C1GALT1: variants seen among roughly 807,000 people sequenced by gnomAD.
C1GALT1 encodes core 1 synthase, glycoprotein-N-acetylgalactosamine 3-beta-galactosyltransferase 1.
A neutral mutation model predicts 31.0 loss-of-function variants in C1GALT1; 11 were observed. The observed-to-expected ratio is 0.36, with a 90% confidence interval of 0.22 to 0.59. C1GALT1 has a LOEUF of 0.59. Ranked by LOEUF, C1GALT1 falls within the 20% of genes least tolerant of loss-of-function variation. The pLI is 0.79. For missense variants in C1GALT1, 424 were observed against 425.2 expected (o/e 1.00, Z 0.03); for synonymous variants, 175 against 143.6 (o/e 1.22, Z -1.56).
chr7:7,218,313 G>T (rs529946134), intron 1 of C1GALT1, among the ~76,000 whole-genome samples: 12 of 152,214 alleles, frequency 7.9e-5, no homozygotes, highest in African/African-American at 4.8e-5. Flanking sequence ...AGGTGAACTA[G>T]AGCTAGACCC....
chr7:7,180,910 C>CAAAA (rs34390245), upstream of C1GALT1, among the ~76,000 whole-genome samples: 95 of 127,732 alleles, frequency 7.4e-4, no homozygotes, highest in Middle Eastern at 8.1e-3. Flanking sequence ...CATATCTCTT[C>CAAAA]AAAAAAAAAA....
At chr7:7,213,506 G>T (rs985040177) in intron 1 of C1GALT1, among the ~76,000 whole-genome samples, 1 of 152,150 alleles carries the variant, frequency 6.6e-6, no homozygotes, top group African/African-American at 2.4e-5. Flanking sequence ...AGATGATTCC[G>T]TCTACCTTTT....
chr7:7,209,346 C>A (rs1401549990), intron 1 of C1GALT1: 1 of 152,060 alleles, frequency 6.6e-6, no homozygotes, highest in Non-Finnish European at 1.5e-5. Context: ...GTATTTTTTC[C>A]GAAGATGGCC....
intron 2 of C1GALT1, among the ~76,000 whole-genome samples, chr7:7,163,503 T>C (rs1425806150): frequency 6.6e-6 from 1 of 152,102 alleles, no homozygotes; most frequent in African/African-American, 2.4e-5. Context: ...GGGTATTCAA[T>C]TAGGAAAAGG....
At chr7:7,197,942 C>T (rs147202297) in intron 1 of C1GALT1, among the ~76,000 whole-genome samples, 36,894 of 152,022 alleles carry the variant, frequency 0.24, 4,966 homozygotes, top group East Asian at 0.42. Flanking sequence ...TGGGCTGAGA[C>T]GATGGGGTTT....
rs114952869 is a variant in C1GALT1 at position 7,230,545 on chromosome 7, A to G, written c.-17-3758A>G. Among the ~76,000 whole-genome samples, 650 of 149,950 alleles carry G rather than the reference A, an allele frequency of 4.3e-3. 5 individuals carry two copies. Among genetic ancestry groups the G allele is most frequent in the African/African-American group, 0.015 (613 of 40,988 alleles). On this transcript the variant is annotated intron_variant, in intron 1 of 3. Coordinates refer to ENST00000436587, the MANE Select transcript of C1GALT1 (RefSeq NM_020156.5). ...AGTTTTTAGTCTATTTGCTTTTAATATAATCATTGATATGTTTGGTTCTAA... is the reference window on the plus strand; with the variant it reads ...AGTTTTTAGTCTATTTGCTTTTAATGTAATCATTGATATGTTTGGTTCTAA...
intron 1 of C1GALT1, among the ~76,000 whole-genome samples, chr7:7,210,291 T>G (rs1287870216): frequency 6.6e-6 from 1 of 152,120 alleles, no homozygotes; most frequent in Non-Finnish European, 1.5e-5. Context: ...GGAGCTTGAT[T>G]TTGACTTGAT....
At chr7:7,243,218 TC>T (rs1312213930) in intron 3 of C1GALT1, among the ~76,000 whole-genome samples, 1 of 152,162 alleles carries the variant, frequency 6.6e-6, no homozygotes, top group Non-Finnish European at 1.5e-5. Context: ...GTATAGCTGC[TC>T]CTTTGATTTG....
At chr7:7,192,416 T>G (rs1453355772) in intron 1 of C1GALT1, among the ~76,000 whole-genome samples, 5 of 152,160 alleles carry the variant, frequency 3.3e-5, no homozygotes, top group African/African-American at 1.2e-4. Flanking sequence ...CCTGAGTTAC[T>G]TTACTTAGAA....
chr7:7,226,600 C>T (rs946056199), intron 1 of C1GALT1, among the ~76,000 whole-genome samples: 3 of 152,048 alleles, frequency 2.0e-5, no homozygotes. Flanking sequence ...GTAATATTTA[C>T]AAAGTTCTTA....
intron 2 of C1GALT1, among the ~76,000 whole-genome samples, chr7:7,237,908 T>C (rs1310795655): frequency 3.3e-5 from 5 of 152,310 alleles, no homozygotes; most frequent in South Asian, 4.1e-4. Flanking sequence ...GGAGAACTTA[T>C]TAAAATGCTG....
chr7:7,212,538 G>C (rs1782052797), intron 1 of C1GALT1, among the ~76,000 whole-genome samples: 1 of 152,178 alleles, frequency 6.6e-6, no homozygotes, highest in South Asian at 2.1e-4. Flanking sequence ...TGTTACTTAT[G>C]TCCGTATAAG....
intron 2 of C1GALT1, among the ~76,000 whole-genome samples, chr7:7,175,790 T>C (rs1209292544): frequency 6.6e-6 from 1 of 152,146 alleles, no homozygotes; most frequent in African/African-American, 2.4e-5. Context: ...TCTGGCTGAC[T>C]TGGTTTCTGC....
upstream of C1GALT1, among the ~76,000 whole-genome samples, chr7:7,181,030 A>C (rs145009967): frequency 4.3e-4 from 65 of 152,330 alleles, no homozygotes; most frequent in African/African-American, 1.5e-3. Context: ...TATTTTAGGA[A>C]AGGGTTCTAA....
At chr7:7,211,193 A>C (rs1325750974) in intron 1 of C1GALT1, among the ~76,000 whole-genome samples, 1 of 152,134 alleles carries the variant, frequency 6.6e-6, no homozygotes, top group East Asian at 1.9e-4. Context: ...TTGAGTATAC[A>C]GGGCCCAGAT....
Position 7,244,017 on chromosome 7 carries a change from T to G in C1GALT1, c.*290T>G, listed in dbSNP as rs1197048282. ...AGAAAAGAGATTTTGTTGCCTGTTTTCTGACCATCTGTGTTATTGTCACTG... is the reference window on the plus strand; with the variant it reads ...AGAAAAGAGATTTTGTTGCCTGTTTGCTGACCATCTGTGTTATTGTCACTG... On this transcript the variant is annotated 3_prime_UTR_variant, in exon 4 of 4. Coordinates refer to ENST00000436587, the MANE Select transcript of C1GALT1 (RefSeq NM_020156.5). 4.9e-6 allele frequency: 1 copy of G among 204,590 alleles called. No individual in the cohort carries two copies. The highest frequency in any genetic ancestry group is 2.3e-5 in the African/African-American group (1 of 43,338). 12.7% of individuals were successfully genotyped at this position (204,590 alleles called of 1,614,324 possible). A position where few individuals can be genotyped will look rare whatever the true frequency, so the allele number is the denominator to read the frequency against.
chr7:7,167,732 A>C (rs2128227038), intron 2 of C1GALT1, among the ~76,000 whole-genome samples: 1 of 152,152 alleles, frequency 6.6e-6, no homozygotes, highest in Non-Finnish European at 1.5e-5. Flanking sequence ...TTCTTGGCCT[A>C]CTACCCCCAG....
At chr7:7,196,389 G>T (rs1781289616) in intron 1 of C1GALT1, among the ~76,000 whole-genome samples, 1 of 152,134 alleles carries the variant, frequency 6.6e-6, no homozygotes, top group African/African-American at 2.4e-5. Context: ...CAGAGGACAT[G>T]AACTCATCCT....
rs544557062 is a variant in C1GALT1, at chr7:7,184,143, A to G, written c.-18+1323A>G. On this transcript the variant is annotated intron_variant, in intron 1 of 3. Transcript: ENST00000436587. ...CTAAATATTGTATATAGTACACTAT[A>G]CTTTCTACCAGTCTTTATATATAGA... is the stretch of plus-strand genomic sequence containing the variant. Among the ~76,000 whole-genome samples, 20 of 152,370 alleles carry G rather than the reference A, an allele frequency of 1.3e-4. No homozygotes were observed. The East Asian group carries it at 2.7e-3, about 21-fold the overall frequency.
Sources: allele counts gnomAD v4.1 joint callset (sites outside exome capture counted in the v4.1 genomes callset), GRCh38; gene constraint gnomAD v4.1.1; transcripts MANE v1.5; gene names NCBI Gene and HGNC (gene_info 2026-07-23, HGNC 2026-07-21).